TECRL: variants seen among roughly 807,000 people sequenced by gnomAD.
TECRL encodes the protein trans-2,3-enoyl-CoA reductase-like.
A neutral mutation model predicts 52.8 loss-of-function variants in TECRL; 63 were observed. That is an observed-to-expected ratio of 1.19 (90% CI 0.97 to 1.47). TECRL has a LOEUF of 1.47. Among genes scored for constraint, TECRL ranks in the 40% most tolerant of loss-of-function variants. TECRL has a pLI of 0.00. For synonymous variants in TECRL, 164 were observed against 141.9 expected (o/e 1.16, Z -1.10); for missense variants, 482 against 429.6 (o/e 1.12, Z -1.08).
chr4:64,404,107 T>G (rs2109789634), intron 1 of TECRL, among the ~76,000 whole-genome samples: 1 of 152,104 alleles, frequency 6.6e-6, no homozygotes, highest in East Asian at 1.9e-4. Context: ...CCTGTAATTA[T>G]TTCTACTGTT....
At chr4:64,401,493 AT>A (rs1724359321) in intron 1 of TECRL, among the ~76,000 whole-genome samples, 2 of 152,198 alleles carry the variant, frequency 1.3e-5, no homozygotes, top group South Asian at 4.1e-4. Flanking sequence ...TCTCATACTC[AT>A]AACTAAATTT....
At chr4:64,284,966 T>A (rs1451071457) in intron 9 of TECRL, among the ~76,000 whole-genome samples, 2 of 152,060 alleles carry the variant, frequency 1.3e-5, no homozygotes, top group African/African-American at 4.8e-5. Context: ...ATTTCAGTGA[T>A]CTTTACTAAA....
At chr4:64,305,975 T>C (rs976276217) in intron 6 of TECRL, among the ~76,000 whole-genome samples, 2 of 152,188 alleles carry the variant, frequency 1.3e-5, no homozygotes, top group South Asian at 2.1e-4. Context: ...CCAGTGTCCA[T>C]GTTCCTTATT....
At chr4:64,285,685 G>T (rs1416488999) in intron 9 of TECRL, among the ~76,000 whole-genome samples, 2 of 152,100 alleles carry the variant, frequency 1.3e-5, no homozygotes, top group African/African-American at 4.8e-5. Context: ...TTCACTTTGA[G>T]AAAAGATCTG....
intron 1 of TECRL, among the ~76,000 whole-genome samples, chr4:64,404,220 C>CAAA (rs74418503): frequency 0.26 from 30,408 of 115,310 alleles, 3,358 homozygotes; most frequent in East Asian, 0.32. Context: ...AGAGTTTTAC[C>CAAA]AAAAAAAAAA....
chr4:64,391,280 G>A (rs1723528385), intron 1 of TECRL, among the ~76,000 whole-genome samples: 1 of 151,754 alleles, frequency 6.6e-6, no homozygotes, highest in Admixed American at 6.6e-5. Context: ...GTTTTGTCAA[G>A]GAAGTTGATC....
chr4:64,370,694 T>C (rs1305874951), intron 2 of TECRL, among the ~76,000 whole-genome samples: 2 of 151,706 alleles, frequency 1.3e-5, no homozygotes, highest in Admixed American at 6.6e-5. Flanking sequence ...TTTGATAATA[T>C]AGAAAGAAAT....
intron 5 of TECRL, among the ~76,000 whole-genome samples, chr4:64,310,755 T>A (rs1716929627): frequency 6.6e-6 from 1 of 152,198 alleles, no homozygotes. Context: ...AGAGACAGGA[T>A]CTTGCTGTGT....
At chr4:64,317,121 A>G (rs1178966663) in intron 4 of TECRL, among the ~76,000 whole-genome samples, 6 of 152,038 alleles carry the variant, frequency 3.9e-5, no homozygotes, top group African/African-American at 1.2e-4. Context: ...TACTAAAAAT[A>G]TAAAAAATTA....
In TECRL at chr4:64,328,406, A is replaced by G. The variant is rs528577275; in HGVS notation, c.331+106T>C. 5.6e-6 allele frequency: 5 copies of G among 888,134 alleles called. No homozygotes were observed. The South Asian group carries it at 8.6e-5, about 15-fold the overall frequency. 55.0% of individuals were successfully genotyped at this position (888,134 alleles called of 1,614,324 possible). ...AGTTTGTTGGGCGAATCAATTAAAT[A>G]ATACTAATATTTGTATATTTGCAAA... is the stretch of plus-strand genomic sequence containing the variant. On this transcript the variant is annotated intron_variant, in intron 3 of 11. Coordinates refer to ENST00000381210, the MANE Select transcript of TECRL (RefSeq NM_001010874.5).
intron 2 of TECRL, among the ~76,000 whole-genome samples, chr4:64,334,205 A>G (rs1482921611): frequency 1.3e-5 from 2 of 152,010 alleles, no homozygotes; most frequent in South Asian, 2.1e-4. Context: ...AATAAACATC[A>G]AATATTACCC....
chr4:64,377,591 A>C (rs910447803), intron 1 of TECRL, among the ~76,000 whole-genome samples: 6 of 152,026 alleles, frequency 3.9e-5, no homozygotes, highest in African/African-American at 1.4e-4. Flanking sequence ...TTCCTCTTAA[A>C]AGAAAATGAA....
intron 1 of TECRL, among the ~76,000 whole-genome samples, chr4:64,398,919 A>G (rs923085680): frequency 2.6e-5 from 4 of 152,162 alleles, no homozygotes; most frequent in South Asian, 2.1e-4. Context: ...GGAACTGGAT[A>G]AAAGGTCACT....
chr4:64,279,671 A>C lies in TECRL; in HGVS notation c.*401T>G, dbSNP rs1317212385. On this transcript the variant is annotated 3_prime_UTR_variant, in exon 12 of 12. Coordinates refer to ENST00000381210, the MANE Select transcript of TECRL (RefSeq NM_001010874.5). ...TCTGTATGAATAGTTAATGTTGAGC[A>C]TTTTAAAAATATACTTATTGACCAT... 2.0e-6 allele frequency: 1 copy of C among 511,204 alleles called. No homozygotes were observed. Among genetic ancestry groups the C allele is most frequent in the African/African-American group, 2.1e-5 (1 of 47,914 alleles). The allele number at this position is 511,204 out of a possible 1,614,324, so 31.7% of individuals were successfully genotyped here. A position where few individuals can be genotyped will look rare whatever the true frequency, so the allele number is the denominator to read the frequency against.
At chr4:64,367,839 G>A (rs1295380964) in intron 2 of TECRL, among the ~76,000 whole-genome samples, 1 of 152,022 alleles carries the variant, frequency 6.6e-6, no homozygotes, top group Non-Finnish European at 1.5e-5. Context: ...TTTCACTCTT[G>A]CTGAAATATT....
chr4:64,405,440 A>G (rs1724642125), intron 1 of TECRL, among the ~76,000 whole-genome samples: 2 of 152,140 alleles, frequency 1.3e-5, no homozygotes, highest in South Asian at 4.1e-4. Flanking sequence ...GATTTCTCCA[A>G]GTGTTTGGCC....
intron 6 of TECRL, among the ~76,000 whole-genome samples, chr4:64,308,453 C>T (rs559818269): frequency 6.6e-6 from 1 of 152,304 alleles, no homozygotes; most frequent in South Asian, 2.1e-4. Context: ...CAACCGCAGG[C>T]ATGTGCCGAT....
chr4:64,348,797 A>G (rs564450382), intron 2 of TECRL, among the ~76,000 whole-genome samples: 2 of 152,154 alleles, frequency 1.3e-5, no homozygotes, highest in African/African-American at 2.4e-5. Flanking sequence ...ACAATTTTTC[A>G]TGGTTCCCGG....
intron 4 of TECRL, among the ~76,000 whole-genome samples, chr4:64,319,405 A>G (rs1167673233): frequency 6.6e-6 from 1 of 151,876 alleles, no homozygotes; most frequent in Non-Finnish European, 1.5e-5. Flanking sequence ...AAGGATTCTT[A>G]TATATGAAAG....
Sources: allele counts gnomAD v4.1 joint callset (sites outside exome capture counted in the v4.1 genomes callset), GRCh38; gene constraint gnomAD v4.1.1; transcripts MANE v1.5; gene names NCBI Gene and HGNC (gene_info 2026-07-23, HGNC 2026-07-21).